Variants in MAP3K5 observed in about 807,000 individuals in gnomAD.
MAP3K5 encodes the protein ASK-1.
In MAP3K5, 56 loss-of-function variants were observed where a neutral mutation model predicts 158.7. The ratio of observed to expected loss-of-function variants is 0.35; its 90% CI spans 0.28 to 0.44. The LOEUF (loss-of-function observed/expected upper bound fraction) is 0.44. MAP3K5 is among the 20% of genes least tolerant of loss of function. The pLI, the probability that MAP3K5 is intolerant of heterozygous loss-of-function variation, is 1.00. For missense variants in MAP3K5, 1,294 were observed against 1,674.8 expected, an observed-to-expected ratio of 0.77 and a Z score of 3.97; for synonymous variants, 579 against 601.7, an observed-to-expected ratio of 0.96 and a Z score of 0.55.
intron 7 of MAP3K5, among the ~76,000 whole-genome samples, chr6:136,687,800 AG>A (rs1230828880): frequency 1.3e-5 from 2 of 152,152 alleles, no homozygotes; most frequent in Admixed American, 6.6e-5. Flanking sequence ...TGGAGAAATA[AG>A]AACTTTTTAC....
Position 136,583,792 on chromosome 6 carries a change from C to T in MAP3K5, c.3226-52G>A, listed in dbSNP as rs1774994178. The T allele has an allele frequency of 2.0e-6, 3 of 1,509,628 alleles. No individual in the cohort carries two copies. In the African/African-American group the frequency reaches 4.1e-5, roughly 21 times the overall value. The allele number at this position is 1,509,628 out of a possible 1,614,324, so 93.5% of individuals were successfully genotyped here. A position where few individuals can be genotyped will look rare whatever the true frequency, so the allele number is the denominator to read the frequency against. On this transcript the variant is annotated intron_variant, in intron 23 of 29. Coordinates refer to ENST00000359015, the MANE Select transcript of MAP3K5 (RefSeq NM_005923.4). ...CATCAACATATGCTGGATATACCTGCCATGGTAATCCTATCTCCATACCCC... is the reference window on the plus strand; with the variant it reads ...CATCAACATATGCTGGATATACCTGTCATGGTAATCCTATCTCCATACCCC...
At chr6:136,776,030 G>C (rs992277508) in intron 1 of MAP3K5, among the ~76,000 whole-genome samples, 4 of 152,208 alleles carry the variant, frequency 2.6e-5, no homozygotes, top group Non-Finnish European at 5.9e-5. Flanking sequence ...CCTACACTAA[G>C]TGGAGAGTCC....
chr6:136,624,954 T>C (rs1002964615), intron 14 of MAP3K5, among the ~76,000 whole-genome samples: 42 of 152,064 alleles, frequency 2.8e-4, no homozygotes, highest in African/African-American at 9.9e-4. Flanking sequence ...TAAAAACACA[T>C]AGGTAAAATA....
At chr6:136,673,728 A>T (rs943129954) in intron 7 of MAP3K5, among the ~76,000 whole-genome samples, 7 of 151,790 alleles carry the variant, frequency 4.6e-5, no homozygotes, top group Non-Finnish European at 1.5e-5. Flanking sequence ...AAAAAAAGAA[A>T]ACACACACAC....
rs1453761159 is a variant in MAP3K5, at chr6:136,748,313, A to G, written c.449-27724T>C. Among the ~76,000 whole-genome samples, 3 of 152,166 alleles carry G rather than the reference A, an allele frequency of 2.0e-5. No individual in the cohort carries two copies. The East Asian group carries it at 5.8e-4, about 29-fold the overall frequency. ...ACACAGCCACATTTGAACCGTATTA[A>G]TTTATACCTAGTGTTCCATTATTGG... On this transcript the variant is annotated intron_variant, in intron 1 of 29. Transcript: ENST00000359015.
intron 9 of MAP3K5, 82 bp from the exon 10 acceptor site, chr6:136,656,542 T>C (rs1363753952): frequency 3.6e-6 from 3 of 830,614 alleles, no homozygotes; most frequent in Non-Finnish European, 5.7e-6. Context: ...ATTCTGTAAA[T>C]GTAATTTATA....
intron 7 of MAP3K5, among the ~76,000 whole-genome samples, chr6:136,680,768 T>C (rs1305979443): frequency 6.6e-6 from 1 of 152,182 alleles, no homozygotes; most frequent in Non-Finnish European, 1.5e-5. Context: ...GTGAATAGTT[T>C]TCATATGTAC....
At chr6:136,775,859 T>C (rs1278879219) in intron 1 of MAP3K5, among the ~76,000 whole-genome samples, 2 of 152,236 alleles carry the variant, frequency 1.3e-5, no homozygotes, top group East Asian at 3.8e-4. Context: ...TGGGATCACT[T>C]GAAGATGAGA....
chr6:136,666,025 T>C (rs1779217120), intron 8 of MAP3K5, among the ~76,000 whole-genome samples: 1 of 152,168 alleles, frequency 6.6e-6, no homozygotes, highest in South Asian at 2.1e-4. Context: ...AATTGGAAAA[T>C]TCCACAGAAG....
intron 18 of MAP3K5, 97 bp downstream of exon 18, chr6:136,611,185 T>G: frequency 1.9e-5 from 12 of 641,746 alleles, no homozygotes; most frequent in Non-Finnish European, 2.3e-5. Context: ...TTACTGTGTG[T>G]GAGAACACCA....
intron 1 of MAP3K5, among the ~76,000 whole-genome samples, chr6:136,729,533 G>A (rs1295377760): frequency 2.6e-5 from 4 of 152,186 alleles, no homozygotes; most frequent in African/African-American, 9.7e-5. Context: ...AAATGTGATC[G>A]AAGACAATGC....
chr6:136,594,750 G>A (rs900834406), intron 21 of MAP3K5, among the ~76,000 whole-genome samples: 8 of 152,138 alleles, frequency 5.3e-5, no homozygotes, highest in Non-Finnish European at 7.4e-5. Context: ...GACTAGTACA[G>A]ACTAGACTAG....
intron 1 of MAP3K5, among the ~76,000 whole-genome samples, chr6:136,772,470 T>G (rs1376775777): frequency 1.3e-5 from 2 of 151,182 alleles, no homozygotes; most frequent in East Asian, 3.9e-4. Context: ...AAAAGGATGG[T>G]TGGGGGCAGT....
At chr6:136,726,651 G>T (rs9483943) in intron 1 of MAP3K5, among the ~76,000 whole-genome samples, 11,861 of 151,388 alleles carry the variant, frequency 0.078, 1,534 homozygotes, top group African/African-American at 0.27. Context: ...TTTTTAATTA[G>T]TATTTCATAA....
intron 3 of MAP3K5, among the ~76,000 whole-genome samples, chr6:136,702,161 C>T (rs977460732): frequency 3.3e-5 from 5 of 151,956 alleles, no homozygotes; most frequent in African/African-American, 1.2e-4. Context: ...AGTTTCTTTC[C>T]TATGTTTCTA....
chr6:136,733,635 C>A (rs917732448), intron 1 of MAP3K5, among the ~76,000 whole-genome samples: 1 of 151,418 alleles, frequency 6.6e-6, no homozygotes, highest in Non-Finnish European at 1.5e-5. Context: ...ACAAAAAAAA[C>A]CTTTTTTTTT....
At chr6:136,640,557 T>C (rs560076970) in intron 12 of MAP3K5, among the ~76,000 whole-genome samples, 1 of 152,202 alleles carries the variant, frequency 6.6e-6, no homozygotes, top group Admixed American at 6.5e-5. Context: ...CAGAAAGACT[T>C]CCTCTTACAC....
intron 1 of MAP3K5, among the ~76,000 whole-genome samples, chr6:136,779,914 A>G (rs1784548563): frequency 6.6e-6 from 1 of 152,198 alleles, no homozygotes; most frequent in South Asian, 2.1e-4. Context: ...GTATTCTGGG[A>G]CCCTCTCAGG....
Position 136,642,509 on chromosome 6 carries a change from A to G in MAP3K5, c.1838+11T>C. The G allele has an allele frequency of 6.3e-7, 1 of 1,598,012 alleles. No homozygotes were observed. Among genetic ancestry groups the G allele is most frequent in the South Asian group, 1.1e-5 (1 of 90,646 alleles). On this transcript the variant is annotated intron_variant, in intron 12 of 29. Transcript: ENST00000359015. Reference sequence around the variant, plus strand: ...TCTTATAAGTTAACAAAATGTACCAAGGAAACTTACCTCACTCCCCTGACA... The same window carrying G: ...TCTTATAAGTTAACAAAATGTACCAGGGAAACTTACCTCACTCCCCTGACA...
Sources: gnomAD v4.1 joint callset for allele counts (sites outside exome capture counted in the v4.1 genomes callset) on GRCh38, gnomAD v4.1.1 for gene constraint, MANE v1.5 for transcripts, NCBI Gene and HGNC (gene_info 2026-07-23, HGNC 2026-07-21) for gene names.